Variants in RFC1 observed in about 807,000 individuals in gnomAD.
The protein encoded by RFC1 is A1 140 kDa subunit.
RFC1 carries 37 observed loss-of-function variants against 137.4 expected under a neutral mutation model. The ratio of observed to expected loss-of-function variants is 0.27; its 90% confidence interval spans 0.21 to 0.35. The LOEUF (loss-of-function observed/expected upper bound fraction) is 0.35, where lower values mean the gene tolerates loss of function less well. Ranked by LOEUF, RFC1 falls within the 10% of genes least tolerant of loss-of-function variation. The pLI is 1.00. For synonymous variants in RFC1, 429 were observed against 455.7 expected, an observed-to-expected ratio of 0.94 and a Z score of 0.75; for missense variants, 1,205 against 1,358.5, an observed-to-expected ratio of 0.89 and a Z score of 1.78.
At chr4:39,325,996 T>A (rs1739744414) in intron 6 of RFC1, among the ~76,000 whole-genome samples, 1 of 152,108 alleles carries the variant, frequency 6.6e-6, no homozygotes, top group African/African-American at 2.4e-5. Flanking sequence ...GAGGCCAAGG[T>A]CAAGACCAGC....
At chr4:39,312,967 C>A in intron 10 of RFC1, 36 bp from the exon 11 acceptor site, 1 of 1,508,214 alleles carries the variant, frequency 6.6e-7, no homozygotes, top group Non-Finnish European at 9.0e-7. Flanking sequence ...GAGGAAATTA[C>A]ATGGTAGCTT....
At chr4:39,358,453 A>C (rs536355599) in intron 1 of RFC1, among the ~76,000 whole-genome samples, 1 of 152,308 alleles carries the variant, frequency 6.6e-6, no homozygotes, top group Non-Finnish European at 1.5e-5. Flanking sequence ...TTGTATTTTT[A>C]GTGGAAATAT....
At chr4:39,359,872 C>T (rs369954624) in intron 1 of RFC1, among the ~76,000 whole-genome samples, 3 of 149,270 alleles carry the variant, frequency 2.0e-5, no homozygotes, top group African/African-American at 4.9e-5. Flanking sequence ...GTCAGGGAAA[C>T]GGTGGGAAGG....
chr4:39,362,209 G>GTAA (rs1198076309), intron 1 of RFC1, among the ~76,000 whole-genome samples: 3 of 152,210 alleles, frequency 2.0e-5, no homozygotes, highest in African/African-American at 7.2e-5. Context: ...ATCGGAAGAT[G>GTAA]TAATATTGTT....
At chr4:39,298,876 T>C (rs972237232) in intron 21 of RFC1, among the ~76,000 whole-genome samples, 1 of 152,176 alleles carries the variant, frequency 6.6e-6, no homozygotes, top group Non-Finnish European at 1.5e-5. Context: ...CCCAGCACTT[T>C]GGAAGGCCAA....
chr4:39,307,730 C>CA (rs1474024947), intron 13 of RFC1, among the ~76,000 whole-genome samples: 19 of 119,666 alleles, frequency 1.6e-4, no homozygotes, highest in East Asian at 2.3e-4. Flanking sequence ...CAAAACAAAA[C>CA]AAAACAAAAA....
intron 4 of RFC1, among the ~76,000 whole-genome samples, chr4:39,332,692 G>A (rs533377673): frequency 6.6e-6 from 1 of 152,254 alleles, no homozygotes; most frequent in Non-Finnish European, 1.5e-5. Flanking sequence ...GCTGAACAGG[G>A]AGAAAAAGTT....
At chr4:39,310,114 A>G (rs1201547544) in intron 12 of RFC1, among the ~76,000 whole-genome samples, 2 of 152,220 alleles carry the variant, frequency 1.3e-5, no homozygotes, top group Non-Finnish European at 2.9e-5. Context: ...GATCACATCC[A>G]TGGTGTTCTT....
chr4:39,296,123 A>G (rs2109588496), intron 21 of RFC1, among the ~76,000 whole-genome samples: 1 of 152,314 alleles, frequency 6.6e-6, no homozygotes, highest in African/African-American at 2.4e-5. Flanking sequence ...GACTGACAAC[A>G]TAGGTAGATT....
At chr4:39,337,783 C>T (rs1398553908) in intron 4 of RFC1, among the ~76,000 whole-genome samples, 1 of 152,140 alleles carries the variant, frequency 6.6e-6, no homozygotes, top group South Asian at 2.1e-4. Context: ...TTTTCTGCTA[C>T]TATTTTCCAA....
rs778423177 is a variant in RFC1 at position 39,321,335 on chromosome 4, C to G, written c.760G>C (p.Val254Leu). The change falls in exon 8 of 25, where the codon GTC becomes CTC. Residue 254 changes from valine to leucine, a missense_variant. Around this residue, in one of 3 missense-constraint regions of RFC1, gnomAD observed 962 missense variants for 1,035.3 expected, o/e 0.93. Coordinates refer to ENST00000349703, the MANE Select transcript of RFC1 (RefSeq NM_002913.5). Reference sequence around the variant, plus strand: ...TCTGCTTTACTTAAATTGGCTTGGACAGATGAAAACGTTTCTCCCGCTTCT... The same window carrying G: ...TCTGCTTTACTTAAATTGGCTTGGAGAGATGAAAACGTTTCTCCCGCTTCT... The part of the protein sequence containing the change: ...DTEAGETFSS[V>L]QANLSKAEKH... 1.2e-6 allele frequency: 2 copies of G among 1,613,670 alleles called. No homozygotes were observed.
intron 11 of RFC1, 85 bp from the exon 12 acceptor site, chr4:39,311,634 T>G: frequency 2.3e-5 from 20 of 879,008 alleles, no homozygotes; most frequent in Non-Finnish European, 3.5e-5. Context: ...TTCTAGGGCC[T>G]ATTAGTAGGT....
chr4:39,366,118 T>A, intron 1 of RFC1, 121 bp downstream of exon 1: 1 of 1,119,598 alleles, frequency 8.9e-7, no homozygotes, highest in Non-Finnish European at 1.2e-6. Flanking sequence ...CTGCCTTTGC[T>A]AGCCTCCGGA....
At chr4:39,348,445 A>AAAGGAAAGGAAAGGAAAGG (rs1232234153) in intron 2 of RFC1, among the ~76,000 whole-genome samples, 1 of 123,348 alleles carries the variant, frequency 8.1e-6, no homozygotes, top group East Asian at 2.3e-4. Flanking sequence ...AAAAGAAAAG[A>AAAGGAAAGGAAAGGAAAGG]AAAGAAAAGA....
chr4:39,348,457 A>AGAGAAGAGAAGAGAAGAGAAGAGAAG, intron 2 of RFC1, among the ~76,000 whole-genome samples: 1 of 134,710 alleles, frequency 7.4e-6, no homozygotes, highest in East Asian at 2.4e-4. Flanking sequence ...AAGAAAAGAA[A>AGAGAAGAGAAGAGAAGAGAAGAGAAG]AGAAAAGAAA....
chr4:39,359,326 CA>C (rs1490998015), intron 1 of RFC1, among the ~76,000 whole-genome samples: 2 of 152,088 alleles, frequency 1.3e-5, no homozygotes, highest in African/African-American at 4.8e-5. Context: ...CATCAATCAA[CA>C]AGTAGATAAA....
At chr4:39,323,274 A>G (rs1739608250) in intron 7 of RFC1, 66 bp downstream of exon 7, 1 of 1,201,480 alleles carries the variant, frequency 8.3e-7, no homozygotes, top group African/African-American at 1.5e-5. Context: ...AGAGCCTAGA[A>G]CACGCAAGTA....
chr4:39,289,986 G>A lies in RFC1; in HGVS notation c.3222C>T (p.Tyr1074=), dbSNP rs761711116. Residue 1074 remains tyrosine, a synonymous_variant, in exon 24 of 25, where the codon TAC becomes TAT. Transcript: ENST00000349703. ...AYNKEAHLTP[Y]SLQAIKASRH... The stretch of plus-strand genomic sequence containing the variant: ...TAGATGCCTTTATAGCTTGAAGTGA[G>A]TATGGAGTAAGGTGGGCTTCCTTAT... 1.2e-5 allele frequency: 19 copies of A among 1,613,642 alleles called. No individual in the cohort carries two copies. The highest frequency in any genetic ancestry group is 1.4e-5 in the Non-Finnish European group (17 of 1,179,716).
chr4:39,360,555 A>AC (rs1578178370), intron 1 of RFC1, among the ~76,000 whole-genome samples: 1 of 150,686 alleles, frequency 6.6e-6, no homozygotes, highest in South Asian at 2.1e-4. Flanking sequence ...AAAATAAAAT[A>AC]AATACAATAA....
Sources: gnomAD v4.1 joint callset for allele counts (sites outside exome capture counted in the v4.1 genomes callset) on GRCh38, gnomAD v4.1.1 for gene constraint, gnomAD v4.1.1 regional missense constraint, MANE v1.5 for transcripts, NCBI Gene and HGNC (gene_info 2026-07-23, HGNC 2026-07-21) for gene names.